The following PCDHGA1 variants were observed in gnomAD, a reference collection of about 807,000 sequenced individuals.
PCDHGA1 encodes protocadherin gamma subfamily A, 1.
PCDHGA1 carries 32 observed loss-of-function variants against 58.0 expected under a neutral mutation model. The observed-to-expected ratio is 0.55, with a 90% CI of 0.42 to 0.74. The LOEUF is 0.74. PCDHGA1 is among the 30% of genes least tolerant of loss of function. The pLI, the probability that PCDHGA1 is intolerant of heterozygous loss-of-function variation, is 0.00. For synonymous variants in PCDHGA1, 498 were observed against 501.1 expected, an observed-to-expected ratio of 0.99 and a Z score of 0.08; for missense variants, 1,205 against 1,182.3, an observed-to-expected ratio of 1.02 and a Z score of -0.28.
Position 141,491,265 on chromosome 5 carries a change from CA to C in PCDHGA1, c.2422-3539del. ...AGGATGAGGACCCTGAGGAAATGCC[CA>C]AATCCAGTGACTTCCTCATACACCC... On this transcript the variant is annotated intron_variant, in intron 1 of 3. Coordinates refer to ENST00000517417, the MANE Select transcript of PCDHGA1 (RefSeq NM_018912.3). This position sits in a 1 kb window ranked among gnomAD's most constrained non-coding sequence, Gnocchi z 6.9. 1 of 1,614,074 alleles carries C rather than the reference CA, an allele frequency of 6.2e-7. No individual in the cohort carries two copies.
intron 1 of PCDHGA1, among the ~76,000 whole-genome samples, chr5:141,471,039 A>G (rs1175460270): frequency 7.2e-6 from 1 of 137,964 alleles, no homozygotes; most frequent in Non-Finnish European, 1.5e-5. Context: ...TAACAAGCCC[A>G]AGCCCTCTTT....
rs770956068 is a variant in PCDHGA1, at chr5:141,344,838, C to T, written c.2421+11733C>T. On this transcript the variant is annotated intron_variant, in intron 1 of 3. Transcript: ENST00000517417. ...GCTGCTCACGGTGAATGCCACTGAC[C>T]CTGACGAGGGATTCAATGCTCAAGT... 9 of 1,613,816 alleles carry T rather than the reference C, an allele frequency of 5.6e-6. No homozygotes were observed. In the Admixed American group the frequency reaches 1.5e-4, roughly 27 times the overall value.
intron 1 of PCDHGA1, among the ~76,000 whole-genome samples, chr5:141,450,649 G>A (rs2098689040): frequency 6.6e-6 from 1 of 151,674 alleles, no homozygotes; most frequent in African/African-American, 2.4e-5. Flanking sequence ...ACCATGCCTG[G>A]CTAATTTTTG....
In PCDHGA1 at chr5:141,432,250, A is replaced by G. The variant is rs777728825; in HGVS notation, c.2422-62557A>G. 2 of 1,614,234 alleles carry G rather than the reference A, an allele frequency of 1.2e-6. No homozygotes were observed. Among genetic ancestry groups the G allele is most frequent in the Admixed American group, 1.7e-5 (1 of 60,026 alleles). ...ATTCCCTGGCTGAGAACACCATCCA[A>G]GGGGCAAGCCTATCGTCCTACGTGT... On this transcript the variant is annotated intron_variant, in intron 1 of 3. Transcript: ENST00000517417. The surrounding 1 kb of genome is among the most constrained non-coding windows in gnomAD (Gnocchi z 6.0).
rs1342473418 is a variant in PCDHGA1, at chr5:141,477,702, A to G, written c.2422-17105A>G. On this transcript the variant is annotated intron_variant, in intron 1 of 3. Transcript: ENST00000517417. The surrounding 1 kb of genome is among the most constrained non-coding windows in gnomAD (Gnocchi z 4.9). Reference sequence around the variant, plus strand: ...TCCTTAGTGCCCCTAGACTATGAGGATCGGCGGGAATTTGAATTAACAGCT... The same window carrying G: ...TCCTTAGTGCCCCTAGACTATGAGGGTCGGCGGGAATTTGAATTAACAGCT... The G allele has an allele frequency of 1.9e-6, 3 of 1,613,924 alleles. No individual in the cohort carries two copies. Among genetic ancestry groups the G allele is most frequent in the Non-Finnish European group, 2.5e-6 (3 of 1,180,044 alleles).
intron 1 of PCDHGA1, among the ~76,000 whole-genome samples, chr5:141,453,288 ATTAT>A (rs577328880): frequency 4.0e-5 from 6 of 151,342 alleles, no homozygotes; most frequent in Admixed American, 1.3e-4. Context: ...TAATTTTTTA[ATTAT>A]TTATTTATTT....
In PCDHGA1 at chr5:141,477,836, G is replaced by T. The variant is rs1344676631; in HGVS notation, c.2422-16971G>T. On this transcript the variant is annotated intron_variant, in intron 1 of 3. Transcript: ENST00000517417. This position sits in a 1 kb window ranked among gnomAD's most constrained non-coding sequence, Gnocchi z 4.9. ...CCAGGTCCTATATCCTCGGCCAGGT[G>T]GGAGCTCGGTGGAGATGCTGCCTCG... The T allele has an allele frequency of 1.2e-6, 2 of 1,613,952 alleles. No individual in the cohort carries two copies. Among genetic ancestry groups the T allele is most frequent in the Non-Finnish European group, 1.7e-6 (2 of 1,180,012 alleles).
intron 1 of PCDHGA1, chr5:141,389,725 TC>T (rs756659208): frequency 1.2e-6 from 2 of 1,612,726 alleles, no homozygotes; most frequent in East Asian, 4.5e-5. Flanking sequence ...GAGCCCGGGC[TC>T]TTCAGCCTGG....
At chr5:141,419,210 GTTT>G in intron 1 of PCDHGA1, 1 of 1,613,926 alleles carries the variant, frequency 6.2e-7, no homozygotes, top group East Asian at 2.2e-5. Flanking sequence ...CAACGCGCCG[GTTT>G]TCGGACAGTC....
chr5:141,413,328 C>G, intron 1 of PCDHGA1: 1 of 1,614,004 alleles, frequency 6.2e-7, no homozygotes, highest in Non-Finnish European at 8.5e-7. Context: ...TCGTGGGCAA[C>G]ATCTCCAAGG....
rs558504351 is a variant in PCDHGA1, at chr5:141,374,628, T to A, written c.2421+41523T>A. The A allele has an allele frequency of 2.5e-6, 4 of 1,613,272 alleles. No individual in the cohort carries two copies. The South Asian group carries it at 3.3e-5, about 13-fold the overall frequency. On this transcript the variant is annotated intron_variant, in intron 1 of 3. Coordinates refer to ENST00000517417, the MANE Select transcript of PCDHGA1 (RefSeq NM_018912.3). ...GGTAATAGTCACTTCTCAGTGGACG[T>A]GCAAAGCGAAGCCCATGGGCCCAAG...
At chr5:141,423,341 TC>T (rs767448191) in intron 1 of PCDHGA1, 181 of 1,614,176 alleles carry the variant, frequency 1.1e-4, no homozygotes, top group Admixed American at 2.7e-4. Context: ...TCCTGCATCT[TC>T]CTGGTCTTTG....
At position 141,489,220 on chromosome 5, in the gene PCDHGA1, C is replaced by T; in HGVS notation, c.2422-5587C>T. ...AGACAGGACAGCACAGACTTACTCT[C>T]CACAAAGGGACTTCTGGGTCATGGG... On this transcript the variant is annotated intron_variant, in intron 1 of 3. Transcript: ENST00000517417. This position sits in a 1 kb window ranked among gnomAD's most constrained non-coding sequence, Gnocchi z 4.5. The T allele has an allele frequency of 6.6e-7, 1 of 1,508,698 alleles. No homozygotes were observed. The highest frequency in any genetic ancestry group is 8.9e-7 in the Non-Finnish European group (1 of 1,122,110). The allele number at this position is 1,508,698 out of a possible 1,614,324, so 93.5% of individuals were successfully genotyped here.
Position 141,511,606 on chromosome 5 carries a change from G to A in PCDHGA1, c.*433G>A, listed in dbSNP as rs1160129762. The stretch of plus-strand genomic sequence containing the variant: ...TGTTGAAGTACCAAGTAACCTACAA[G>A]CCTCCTAGTTCTGAAAAGTTGGAAG... On this transcript the variant is annotated 3_prime_UTR_variant, in exon 4 of 4. Transcript: ENST00000517417. 2 of 248,594 alleles carry A rather than the reference G, an allele frequency of 8.0e-6. No individual in the cohort carries two copies. Among genetic ancestry groups the A allele is most frequent in the Non-Finnish European group, 1.6e-5 (2 of 123,946 alleles). 15.4% of individuals were successfully genotyped at this position (248,594 alleles called of 1,614,324 possible). A position where few individuals can be genotyped will look rare whatever the true frequency, so the allele number is the denominator to read the frequency against.
intron 1 of PCDHGA1, chr5:141,399,804 G>A (rs1191609127): frequency 2.5e-6 from 4 of 1,613,224 alleles, no homozygotes; most frequent in East Asian, 2.2e-5. Flanking sequence ...CGCGGGTGCT[G>A]TACCCCGCGC....
At chr5:141,494,355 G>T (rs910437011) in intron 1 of PCDHGA1, among the ~76,000 whole-genome samples, 4 of 152,234 alleles carry the variant, frequency 2.6e-5, no homozygotes, top group African/African-American at 9.6e-5. Flanking sequence ...CCATCTTGCT[G>T]CAGAGGATGC....
chr5:141,366,374 A>T, intron 1 of PCDHGA1: 3 of 1,614,052 alleles, frequency 1.9e-6, no homozygotes, highest in South Asian at 2.2e-5. Context: ...CAAGACCCCC[A>T]TTGACCCTGA....
At chr5:141,381,071 G>T (rs1343917347) in intron 1 of PCDHGA1, among the ~76,000 whole-genome samples, 1 of 152,172 alleles carries the variant, frequency 6.6e-6, no homozygotes, top group Non-Finnish European at 1.5e-5. Context: ...GATAACTATG[G>T]ATTATTTTGA....
In PCDHGA1 at chr5:141,477,453, A is replaced by T; in HGVS notation, c.2422-17354A>T. On this transcript the variant is annotated intron_variant, in intron 1 of 3. Transcript: ENST00000517417. This position sits in a 1 kb window ranked among gnomAD's most constrained non-coding sequence, Gnocchi z 4.9. Reference sequence around the variant, plus strand: ...TCAGCCCTTACAATAGTGCGTGTTCAAGTGTCCGACATCAATGACAACCCT... The same window carrying T: ...TCAGCCCTTACAATAGTGCGTGTTCTAGTGTCCGACATCAATGACAACCCT... The T allele has an allele frequency of 6.2e-7, 1 of 1,614,136 alleles. No homozygotes were observed. The highest frequency in any genetic ancestry group is 8.5e-7 in the Non-Finnish European group (1 of 1,180,026).
Sources: allele counts gnomAD v4.1 joint callset (sites outside exome capture counted in the v4.1 genomes callset), GRCh38; gene constraint gnomAD v4.1.1; non-coding constraint Gnocchi (gnomAD v3.1); transcripts MANE v1.5; gene names NCBI Gene and HGNC (gene_info 2026-07-23, HGNC 2026-07-21).